SLC35F3: variants seen among roughly 807,000 people sequenced by gnomAD.
SLC35F3 encodes the protein solute carrier family 35 member F3, also known as putative thiamine transporter SLC35F3.
A neutral mutation model predicts 49.9 loss-of-function variants in SLC35F3; 25 were observed. The ratio of observed to expected loss-of-function variants is 0.50; its 90% CI spans 0.37 to 0.70. The LOEUF is 0.70. SLC35F3 is among the 30% of genes least tolerant of loss of function. SLC35F3 has a pLI of 0.00. For synonymous variants in SLC35F3, 275 were observed against 265.4 expected (o/e 1.04, Z -0.35); for missense variants, 525 against 639.8 (o/e 0.82, Z 1.94).
In SLC35F3 at chr1:234,091,458, G is replaced by A. The variant is rs372842611; in HGVS notation, c.284-139959G>A. On this transcript the variant is annotated intron_variant, in intron 2 of 7. Coordinates refer to ENST00000366618, the MANE Select transcript of SLC35F3 (RefSeq NM_173508.4). ...CCACGACCTGAGGAGGGGAACCCTT[G>A]GAGGAAATTACAAAGTGCTCACTTC... Among the ~76,000 whole-genome samples the A allele has an allele frequency of 2.0e-5, 3 of 152,184 alleles. No individual in the cohort carries two copies. In the East Asian group the frequency reaches 5.8e-4, roughly 29 times the overall value.
intron 2 of SLC35F3, among the ~76,000 whole-genome samples, chr1:233,978,081 C>G (rs995101663): frequency 2.0e-5 from 3 of 152,158 alleles, no homozygotes; most frequent in African/African-American, 7.2e-5. Flanking sequence ...CTGGGATGTC[C>G]CACGTGCTTG....
At chr1:234,126,477 ATG>A (rs111609229) in intron 2 of SLC35F3, among the ~76,000 whole-genome samples, 85 of 151,052 alleles carry the variant, frequency 5.6e-4, no homozygotes, top group Non-Finnish European at 4.7e-4. Context: ...CCTGTTTTAC[ATG>A]TGTGTGTGTG....
chr1:234,153,365 TAGGG>T (rs1666102883), intron 2 of SLC35F3, among the ~76,000 whole-genome samples: 1 of 152,036 alleles, frequency 6.6e-6, no homozygotes, highest in African/African-American at 2.4e-5. Context: ...TTCCAGCACT[TAGGG>T]AGGCCAAGTT....
At chr1:234,209,778 TAACA>T (rs1667023989) in intron 2 of SLC35F3, among the ~76,000 whole-genome samples, 1 of 151,968 alleles carries the variant, frequency 6.6e-6, no homozygotes. Context: ...AAGCAGAAGT[TAACA>T]GACATGAGGA....
At chr1:234,265,477 C>G (rs932868437) in intron 3 of SLC35F3, among the ~76,000 whole-genome samples, 4 of 151,966 alleles carry the variant, frequency 2.6e-5, no homozygotes, top group African/African-American at 9.7e-5. Flanking sequence ...CCAGCCTCAG[C>G]ATTATTTCTG....
At chr1:234,113,412 G>T (rs945918180) in intron 2 of SLC35F3, among the ~76,000 whole-genome samples, 2 of 152,202 alleles carry the variant, frequency 1.3e-5, no homozygotes, top group Non-Finnish European at 2.9e-5. Flanking sequence ...TGATTTATGA[G>T]AAATTTAAAG....
At chr1:234,238,987 G>T (rs1001675028) in intron 3 of SLC35F3, among the ~76,000 whole-genome samples, 1 of 152,258 alleles carries the variant, frequency 6.6e-6, no homozygotes, top group East Asian at 1.9e-4. Context: ...CAGTGCCAAC[G>T]CTCATGTTTG....
chr1:233,910,276 G>A (rs182525280), intron 2 of SLC35F3, among the ~76,000 whole-genome samples: 253 of 152,322 alleles, frequency 1.7e-3, no homozygotes, highest in Non-Finnish European at 9.6e-4. Flanking sequence ...GGGATGAGGA[G>A]AATCAAAGAC....
intron 2 of SLC35F3, among the ~76,000 whole-genome samples, chr1:234,096,197 G>A (rs1170847946): frequency 1.3e-5 from 2 of 152,024 alleles, no homozygotes; most frequent in African/African-American, 4.8e-5. Flanking sequence ...TAGTGTCCAG[G>A]GTTTTCCTGT....
intron 3 of SLC35F3, among the ~76,000 whole-genome samples, chr1:234,248,991 A>G (rs559791): frequency 0.81 from 122,770 of 152,244 alleles, 49,952 homozygotes; most frequent in African/African-American, 0.92. Context: ...ATCCAGAGGG[A>G]GTAGATTTTG....
intron 2 of SLC35F3, among the ~76,000 whole-genome samples, chr1:234,109,107 A>G (rs1249896758): frequency 2.6e-5 from 4 of 151,982 alleles, no homozygotes; most frequent in Admixed American, 6.6e-5. Flanking sequence ...TTGCAGAAGG[A>G]GAGCTGCTGT....
intron 3 of SLC35F3, chr1:234,261,868 G>C (rs1260978674): frequency 1.3e-5 from 2 of 152,166 alleles, no homozygotes; most frequent in Non-Finnish European, 2.9e-5. Context: ...AGGTGAGTGA[G>C]AAAAATGAAA....
chr1:233,912,498 CAAACAAACAAAA>C (rs752736194), intron 2 of SLC35F3, among the ~76,000 whole-genome samples: 4 of 151,568 alleles, frequency 2.6e-5, no homozygotes, highest in Non-Finnish European at 4.4e-5. Context: ...AACAAAGAAA[CAAACAAACAAAA>C]AAAACGAAAA....
At chr1:234,058,231 A>G (rs538178866) in intron 2 of SLC35F3, among the ~76,000 whole-genome samples, 11 of 150,718 alleles carry the variant, frequency 7.3e-5, no homozygotes, top group African/African-American at 2.7e-4. Context: ...TTCATTCACA[A>G]TACCAATTTA....
intron 2 of SLC35F3, among the ~76,000 whole-genome samples, chr1:233,983,044 C>G (rs1663210984): frequency 6.6e-6 from 1 of 152,150 alleles, no homozygotes; most frequent in African/African-American, 2.4e-5. Context: ...CTGTAGCTCT[C>G]CACGTGGCTG....
At chr1:234,039,227 A>G (rs1307511283) in intron 2 of SLC35F3, among the ~76,000 whole-genome samples, 1 of 152,166 alleles carries the variant, frequency 6.6e-6, no homozygotes, top group East Asian at 1.9e-4. Flanking sequence ...AAAACCCACA[A>G]GGGGGACTGA....
At chr1:234,108,314 TA>T (rs1169087924) in intron 2 of SLC35F3, among the ~76,000 whole-genome samples, 5 of 86,760 alleles carry the variant, frequency 5.8e-5, no homozygotes, top group Non-Finnish European at 1.1e-4. Flanking sequence ...TTTATATATA[TA>T]AAAGATATAT....
chr1:234,063,931 T>C (rs1388470619), intron 2 of SLC35F3, among the ~76,000 whole-genome samples: 1 of 152,202 alleles, frequency 6.6e-6, no homozygotes, highest in Admixed American at 6.5e-5. Flanking sequence ...GTGAAGATAG[T>C]CCTACATGTG....
intron 3 of SLC35F3, among the ~76,000 whole-genome samples, chr1:234,233,434 A>G (rs77694023): frequency 0.029 from 4,344 of 152,224 alleles, 179 homozygotes; most frequent in African/African-American, 0.088. Flanking sequence ...CTGAAAGAGG[A>G]CCCCCAAGTG....
Sources: allele counts gnomAD v4.1 joint callset (sites outside exome capture counted in the v4.1 genomes callset), GRCh38; gene constraint gnomAD v4.1.1; transcripts MANE v1.5; gene names NCBI Gene and HGNC (gene_info 2026-07-23, HGNC 2026-07-21).